The following SNX27 variants were observed in gnomAD, a reference collection of about 807,000 sequenced individuals.
SNX27 encodes sorting nexin-27.
A neutral mutation model predicts 71.6 loss-of-function variants in SNX27; 22 were observed. The ratio of observed to expected loss-of-function variants is 0.31; its 90% CI spans 0.22 to 0.44. The LOEUF (loss-of-function observed/expected upper bound fraction) is 0.44. Ranked by LOEUF, SNX27 falls within the 20% of genes least tolerant of loss-of-function variation. SNX27 has a pLI of 1.00. For synonymous variants in SNX27, 269 were observed against 277.2 expected (o/e 0.97, Z 0.29); for missense variants, 531 against 698.6 (o/e 0.76, Z 2.70).
chr1:151,629,189 T>C (rs1424611878), intron 1 of SNX27: 3 of 148,182 alleles, frequency 2.0e-5, no homozygotes, highest in Non-Finnish European at 2.9e-5. Flanking sequence ...TTTACATGAT[T>C]GCTTTCTAGT....
intron 7 of SNX27, 29 bp from the exon 8 acceptor site, chr1:151,683,327 T>G (rs1558073020): frequency 6.4e-7 from 1 of 1,569,798 alleles, no homozygotes; most frequent in Non-Finnish European, 8.7e-7. Context: ...TTTACACTCC[T>G]TTCTGCTCTA....
chr1:151,671,133 A>T (rs113270811), intron 7 of SNX27, among the ~76,000 whole-genome samples: 1 of 151,660 alleles, frequency 6.6e-6, no homozygotes, highest in Non-Finnish European at 1.5e-5. Flanking sequence ...ATTGTGTTCC[A>T]TCGGTCTGTG....
intron 1 of SNX27, among the ~76,000 whole-genome samples, chr1:151,620,951 A>G (rs895627257): frequency 6.6e-6 from 1 of 152,150 alleles, no homozygotes; most frequent in Non-Finnish European, 1.5e-5. Context: ...CGGCCTCCCA[A>G]AGTACTGGGA....
intron 2 of SNX27, among the ~76,000 whole-genome samples, chr1:151,649,260 G>A (rs979474565): frequency 3.9e-4 from 60 of 151,986 alleles, no homozygotes; most frequent in Non-Finnish European, 5.7e-4. Flanking sequence ...GTGTCTGGCC[G>A]ATTTTTTAAA....
intron 8 of SNX27, among the ~76,000 whole-genome samples, chr1:151,683,748 C>G (rs560941958): frequency 6.6e-6 from 1 of 152,240 alleles, no homozygotes; most frequent in South Asian, 2.1e-4. Flanking sequence ...CTCACTGCAA[C>G]CTTTGCCTCC....
At chr1:151,643,690 C>T (rs566871346) in intron 2 of SNX27, among the ~76,000 whole-genome samples, 118 of 151,780 alleles carry the variant, frequency 7.8e-4, no homozygotes, top group Non-Finnish European at 1.4e-3. Flanking sequence ...GACAGAGTTT[C>T]GCTCTTGTTG....
chr1:151,690,830 G>C (rs889680750), intron 8 of SNX27, among the ~76,000 whole-genome samples: 2 of 152,144 alleles, frequency 1.3e-5, no homozygotes, highest in Non-Finnish European at 2.9e-5. Context: ...GGAAACTGAG[G>C]CACCTGGGAT....
chr1:151,696,913 G>A lies in SNX27; in HGVS notation c.*2496G>A, dbSNP rs992528635. On this transcript the variant is annotated 3_prime_UTR_variant, in exon 12 of 12. Transcript: ENST00000458013. ...AATCTGCCCACCTCGGCCTCCCAAA[G>A]TGCTAGGATTACAGGAGTGAGCCAC... 1 of 152,062 alleles carries A rather than the reference G, an allele frequency of 6.6e-6. No individual in the cohort carries two copies. The highest frequency in any genetic ancestry group is 2.1e-4 in the South Asian group (1 of 4,826). 9.4% of individuals were successfully genotyped at this position (152,062 alleles called of 1,614,324 possible).
At chr1:151,658,199 T>C in intron 2 of SNX27, 36 bp from the exon 3 acceptor site, 1 of 1,560,610 alleles carries the variant, frequency 6.4e-7, no homozygotes, top group South Asian at 1.2e-5. Context: ...TAATTTGTAT[T>C]AAGTATGCTT....
chr1:151,687,822 C>T (rs1055630538), intron 8 of SNX27, among the ~76,000 whole-genome samples: 10 of 152,030 alleles, frequency 6.6e-5, no homozygotes, highest in Non-Finnish European at 1.5e-4. Flanking sequence ...GTGGCGGGCG[C>T]CTGTAGTCCC....
At position 151,696,506 on chromosome 1, in the gene SNX27, G is replaced by GTTCTTTCT. The variant is rs1558082949; in HGVS notation, c.*2096_*2097insTTTCTTTC. On this transcript the variant is annotated 3_prime_UTR_variant, in exon 12 of 12. Coordinates refer to ENST00000458013, the MANE Select transcript of SNX27 (RefSeq NM_001330723.2). Reference sequence around the variant, plus strand: ...CTTTCTTTCTTTCTTTCTTTCTTTCGTTCTTTCGTTCTTTCGTTCTTTCTT... The same window carrying GTTCTTTCT: ...CTTTCTTTCTTTCTTTCTTTCTTTCGTTCTTTCTTTCTTTCGTTCTTTCGTTCTTTCTT... 47 of 82,218 alleles carry GTTCTTTCT rather than the reference G, an allele frequency of 5.7e-4. No homozygotes were observed. Among genetic ancestry groups the GTTCTTTCT allele is most frequent in the African/African-American group, 2.2e-3 (45 of 20,154 alleles). The allele number at this position is 82,218 out of a possible 1,614,324, so 5.1% of individuals were successfully genotyped here. A position where few individuals can be genotyped will look rare whatever the true frequency, so the allele number is the denominator to read the frequency against.
At chr1:151,675,029 T>A (rs918065374) in intron 7 of SNX27, among the ~76,000 whole-genome samples, 1 of 152,184 alleles carries the variant, frequency 6.6e-6, no homozygotes, top group Non-Finnish European at 1.5e-5. Flanking sequence ...CTCCTTATTT[T>A]AGCCACATCT....
chr1:151,640,319 C>T (rs2102635596), intron 2 of SNX27, among the ~76,000 whole-genome samples: 1 of 152,210 alleles, frequency 6.6e-6, no homozygotes, highest in South Asian at 2.1e-4. Flanking sequence ...TTACCTAAAA[C>T]CTTGGAAACC....
intron 1 of SNX27, chr1:151,613,182 A>G (rs1667271463): frequency 6.6e-6 from 1 of 151,014 alleles, no homozygotes; most frequent in Non-Finnish European, 1.5e-5. Context: ...TTCTACTCCA[A>G]GAGTTTACCT....
chr1:151,617,304 G>A (rs544538956), intron 1 of SNX27, among the ~76,000 whole-genome samples: 3 of 151,808 alleles, frequency 2.0e-5, no homozygotes, highest in East Asian at 3.8e-4. Context: ...TAGAGACAGC[G>A]TTTCACTCTT....
chr1:151,673,078 C>CT (rs776206239), intron 7 of SNX27, among the ~76,000 whole-genome samples: 3 of 150,420 alleles, frequency 2.0e-5, no homozygotes, highest in Non-Finnish European at 3.0e-5. Flanking sequence ...AAATTTTTGT[C>CT]TTTTTTTTGA....
At chr1:151,684,727 A>G (rs1178161983) in intron 8 of SNX27, among the ~76,000 whole-genome samples, 1 of 152,180 alleles carries the variant, frequency 6.6e-6, no homozygotes, top group Admixed American at 6.5e-5. Flanking sequence ...AGCCTAGCCT[A>G]TCTTAAATGT....
intron 7 of SNX27, among the ~76,000 whole-genome samples, 180 bp downstream of exon 7, chr1:151,668,815 A>T (rs1224141611): frequency 6.6e-6 from 1 of 152,234 alleles, no homozygotes; most frequent in Non-Finnish European, 1.5e-5. Flanking sequence ...TTAGAAGTAA[A>T]GATATCCTGG....
chr1:151,643,933 T>G (rs1668905815), intron 2 of SNX27, among the ~76,000 whole-genome samples: 2 of 152,222 alleles, frequency 1.3e-5, no homozygotes, highest in Non-Finnish European at 2.9e-5. Flanking sequence ...GTGCTGAGAT[T>G]ACAGGCTTGA....
Sources: gnomAD v4.1 joint callset for allele counts (sites outside exome capture counted in the v4.1 genomes callset) on GRCh38, gnomAD v4.1.1 for gene constraint, MANE v1.5 for transcripts, NCBI Gene and HGNC (gene_info 2026-07-23, HGNC 2026-07-21) for gene names.